OTUD4: variants seen among roughly 807,000 people sequenced by gnomAD.
OTUD4 encodes the protein OTU deubiquitinase 4.
OTUD4 carries 24 observed loss-of-function variants against 130.4 expected under a neutral mutation model. That is an observed-to-expected ratio of 0.18 (90% confidence interval 0.13 to 0.26). OTUD4 has a LOEUF of 0.26. Ranked by LOEUF, OTUD4 falls within the 10% of genes least tolerant of loss-of-function variation. The probability of loss-of-function intolerance (pLI) is 1.00; values close to 1 mark genes in which losing one functional copy is unlikely to be tolerated. For missense variants in OTUD4, 1,031 were observed against 1,329.4 expected, an observed-to-expected ratio of 0.78 and a Z score of 3.49; for synonymous variants, 420 against 472.5, an observed-to-expected ratio of 0.89 and a Z score of 1.44.
Position 145,137,212 on chromosome 4 carries a change from A to G in OTUD4, c.*218T>C. ...TTACGGGGACAGTCACTTGATCAAC[A>G]AACAGATTCTGAATGAAGAAAACTG... is the stretch of plus-strand genomic sequence containing the variant. On this transcript the variant is annotated 3_prime_UTR_variant, in exon 21 of 21. Transcript: ENST00000447906. The G allele has an allele frequency of 2.3e-6, 1 of 434,004 alleles. No homozygotes were observed. Among genetic ancestry groups the G allele is most frequent in the Non-Finnish European group, 4.1e-6 (1 of 246,260 alleles). The allele number at this position is 434,004 out of a possible 1,614,324, so 26.9% of individuals were successfully genotyped here. A position where few individuals can be genotyped will look rare whatever the true frequency, so the allele number is the denominator to read the frequency against.
At chr4:145,158,927 T>C (rs904343644) in intron 7 of OTUD4, among the ~76,000 whole-genome samples, 1 of 152,218 alleles carries the variant, frequency 6.6e-6, no homozygotes, top group Non-Finnish European at 1.5e-5. Context: ...CAGGAAGCCA[T>C]GATTGAAACC....
At chr4:145,150,928 G>C in intron 11 of OTUD4, 23 bp from the exon 12 acceptor site, 2 of 1,491,372 alleles carry the variant, frequency 1.3e-6, no homozygotes, top group South Asian at 2.4e-5. Flanking sequence ...AAAGACTTGT[G>C]ATAGCTTAAA....
chr4:145,159,528 A>T lies in OTUD4; in HGVS notation c.604T>A (p.Ser202Thr). The T allele has an allele frequency of 3.7e-6, 6 of 1,613,606 alleles. No individual in the cohort carries two copies. The highest frequency in any genetic ancestry group is 3.3e-5 in the South Asian group (3 of 91,058). The change falls in exon 7 of 21, where the codon TCA (serine) becomes ACA (threonine). Residue 202 changes from serine to threonine, a missense_variant. Ser to Thr is a moderately conservative substitution (Grantham distance 58). Around this residue, in one of 3 missense-constraint regions of OTUD4, gnomAD observed 900 missense variants for 1,095.9 expected, o/e 0.82. Coordinates refer to ENST00000447906, the MANE Select transcript of OTUD4 (RefSeq NM_001366057.1). ...TTGCAACTGTCATCCTCTGAATCTG[A>T]TATTTCACTGTTATCTTCATCAGCT... ...EVADEDNSEI[S>T]DSEDDSCKSK...
chr4:145,138,732 G>T, intron 20 of OTUD4, 82 bp from the exon 21 acceptor site: 1 of 1,299,152 alleles, frequency 7.7e-7, no homozygotes, highest in Non-Finnish European at 1.1e-6. Flanking sequence ...CAAGTACTAG[G>T]GTCAAAATAA....
intron 3 of OTUD4, among the ~76,000 whole-genome samples, chr4:145,167,386 A>G (rs555099638): frequency 1.3e-5 from 2 of 152,330 alleles, no homozygotes; most frequent in East Asian, 1.9e-4. Context: ...TAGGTGCCAT[A>G]TATTAAAATA....
At chr4:145,179,088 A>T (rs1218452651) in intron 1 of OTUD4, among the ~76,000 whole-genome samples, 1 of 152,156 alleles carries the variant, frequency 6.6e-6, no homozygotes, top group African/African-American at 2.4e-5. Flanking sequence ...ATTCAGAAAA[A>T]TCTTCCTGAG....
In OTUD4 at chr4:145,141,572, T is replaced by C. The variant is rs1345971802; in HGVS notation, c.1890A>G (p.Val630=). 6.2e-7 allele frequency: 1 copy of C among 1,603,994 alleles called. No homozygotes were observed. Among genetic ancestry groups the C allele is most frequent in the East Asian group, 2.3e-5 (1 of 44,312 alleles). ...QTLTTGPDSA[V]SQAHLTPSPV... is the part of the protein sequence containing the mutation. ...GAGAGGGTGTTAAATGAGCTTGGGA[T>C]ACAGCTGAATCAGGTCCAGTGGTCA... The change falls in exon 19 of 21, where the codon GTA becomes GTG. Residue 630 remains valine (V), a synonymous_variant. Coordinates refer to ENST00000447906, the MANE Select transcript of OTUD4 (RefSeq NM_001366057.1).
intron 3 of OTUD4, among the ~76,000 whole-genome samples, chr4:145,165,524 C>T (rs1751811147): frequency 6.6e-6 from 1 of 152,144 alleles, no homozygotes. Context: ...GTTGCTCAGG[C>T]TGGAGTGCAG....
chr4:145,147,765 G>A (rs1239692152), intron 13 of OTUD4, among the ~76,000 whole-genome samples: 2 of 152,148 alleles, frequency 1.3e-5, no homozygotes, highest in Non-Finnish European at 2.9e-5. Flanking sequence ...CTCATATCCA[G>A]CACTACGGTT....
chr4:145,144,550 T>A, intron 14 of OTUD4, 116 bp from the exon 15 acceptor site: 1 of 987,860 alleles, frequency 1.0e-6, no homozygotes, highest in Admixed American at 2.4e-5. Context: ...TTCACAGCCC[T>A]GTATTTTTAA....
chr4:145,170,771 A>C (rs963143330), intron 3 of OTUD4: 5 of 152,186 alleles, frequency 3.3e-5, no homozygotes, highest in Non-Finnish European at 5.9e-5. Context: ...AACTCTTCTT[A>C]GCTTTTTTCT....
intron 19 of OTUD4, among the ~76,000 whole-genome samples, 178 bp downstream of exon 19, chr4:145,141,201 T>C (rs1246062809): frequency 6.6e-6 from 1 of 151,928 alleles, no homozygotes; most frequent in Non-Finnish European, 1.5e-5. Flanking sequence ...TATAATACAT[T>C]TTCTAATAAA....
In OTUD4 at chr4:145,149,025, A is replaced by G. The variant is rs149116775; in HGVS notation, c.1259+1488T>C. Among the ~76,000 whole-genome samples, 803 of 152,292 alleles carry G rather than the reference A, an allele frequency of 5.3e-3. 1 individual carries two copies. Among genetic ancestry groups the G allele is most frequent in the Non-Finnish European group, 8.0e-3 (542 of 68,030 alleles). ...GTTATGGATTGAAGTGTATTTCTCA[A>G]AAAGATATGTTCATATTCCTAATCT... On this transcript the variant is annotated intron_variant, in intron 13 of 20. Transcript: ENST00000447906.
intron 14 of OTUD4, 116 bp from the exon 15 acceptor site, chr4:145,144,550 T>G: frequency 3.0e-6 from 3 of 987,860 alleles, no homozygotes; most frequent in Non-Finnish European, 3.0e-6. Flanking sequence ...TTCACAGCCC[T>G]GTATTTTTAA....
intron 13 of OTUD4, among the ~76,000 whole-genome samples, chr4:145,150,127 G>C (rs1351999782): frequency 6.6e-6 from 1 of 152,088 alleles, no homozygotes; most frequent in East Asian, 1.9e-4. Flanking sequence ...CAATAATTTT[G>C]GGCTGTTTTA....
intron 4 of OTUD4, among the ~76,000 whole-genome samples, chr4:145,164,834 G>C (rs36224845): frequency 6.6e-6 from 1 of 152,046 alleles, no homozygotes; most frequent in African/African-American, 2.4e-5. Flanking sequence ...ATTTTAGTAC[G>C]GTTCTAGTGG....
chr4:145,138,336 A>T lies in OTUD4; in HGVS notation c.2439T>A (p.Asp813Glu). ...GCTGCCCAGGGGTCTCAGATTCAAGATCAGCCTGGTAAGACAATTGTCCAT... is the reference window on the plus strand; with the variant it reads ...GCTGCCCAGGGGTCTCAGATTCAAGTTCAGCCTGGTAAGACAATTGTCCAT... ...ESHGQLSYQA[D>E]LESETPGQLL... Residue 813 changes from aspartate to glutamate, a missense_variant, in exon 21 of 21, where the codon GAT (aspartate) becomes GAA (glutamate). Transcript: ENST00000447906. 1.2e-6 allele frequency: 2 copies of T among 1,614,184 alleles called. No individual in the cohort carries two copies. Among genetic ancestry groups the T allele is most frequent in the Non-Finnish European group, 1.7e-6 (2 of 1,180,014 alleles).
rs1461445874 is a variant in OTUD4 at position 145,180,398 on chromosome 4, C to A, written c.-425G>T. The stretch of plus-strand genomic sequence containing the variant: ...GCACGCTGGGCCGGCTCAGGTGAAG[C>A]GGGGCCTGCGCCCCCGCGCACTCCC... On this transcript the variant is annotated 5_prime_UTR_variant, in exon 1 of 21. Transcript: ENST00000447906. Among the ~76,000 whole-genome samples, 2 of 152,170 alleles carry A rather than the reference C, an allele frequency of 1.3e-5. No homozygotes were observed. Among genetic ancestry groups the A allele is most frequent in the African/African-American group, 4.8e-5 (2 of 41,456 alleles).
intron 8 of OTUD4, 104 bp downstream of exon 8, chr4:145,155,832 G>T: frequency 9.6e-7 from 1 of 1,042,016 alleles, no homozygotes; most frequent in South Asian, 1.6e-5. Context: ...AGATGATCCT[G>T]ACTTGACTGA....
Sources: gnomAD v4.1 joint callset for allele counts (sites outside exome capture counted in the v4.1 genomes callset) on GRCh38, gnomAD v4.1.1 for gene constraint, gnomAD v4.1.1 regional missense constraint, MANE v1.5 for transcripts, NCBI Gene and HGNC (gene_info 2026-07-23, HGNC 2026-07-21) for gene names.